The following SALL2 variants were observed in gnomAD, a reference collection of about 807,000 sequenced individuals.
The protein encoded by SALL2 is spalt like transcription factor 2.
SALL2 carries 32 observed loss-of-function variants against 58.5 expected under a neutral mutation model. The ratio of observed to expected loss-of-function variants is 0.55; its 90% confidence interval spans 0.41 to 0.74. The LOEUF (loss-of-function observed/expected upper bound fraction) is 0.74. SALL2 is among the 30% of genes least tolerant of loss of function. The probability of loss-of-function intolerance (pLI) is 0.00; values close to 1 mark genes in which losing one functional copy is unlikely to be tolerated. For missense variants in SALL2, 1,201 were observed against 1,268.9 expected, an observed-to-expected ratio of 0.95 and a Z score of 0.81; for synonymous variants, 516 against 513.6, an observed-to-expected ratio of 1.00 and a Z score of -0.06.
chr14:21,533,014 T>C (rs1445456412), intron 1 of SALL2, among the ~76,000 whole-genome samples: 1 of 150,990 alleles, frequency 6.6e-6, no homozygotes, highest in African/African-American at 2.4e-5. Flanking sequence ...AATAACGGAG[T>C]TGGGAGGAAA....
At chr14:21,527,976 C>G (rs1218133253), upstream of SALL2, among the ~76,000 whole-genome samples, 2 of 151,722 alleles carry the variant, frequency 1.3e-5, no homozygotes, top group Non-Finnish European at 2.9e-5. Flanking sequence ...CCCGTCTCTA[C>G]TAAAAATACA....
chr14:21,531,589 G>T (rs1356125554), intron 1 of SALL2, among the ~76,000 whole-genome samples: 1 of 151,550 alleles, frequency 6.6e-6, no homozygotes, highest in African/African-American at 2.4e-5. Context: ...TATTTTTTTA[G>T]TAGAGACGGG....
At chr14:21,527,826 T>G (rs1322133256), upstream of SALL2, among the ~76,000 whole-genome samples, 1 of 151,480 alleles carries the variant, frequency 6.6e-6, no homozygotes, top group Non-Finnish European at 1.5e-5. Flanking sequence ...GCCCTCCAGC[T>G]TCGGCAACAT....
At position 21,525,696 on chromosome 14, in the gene SALL2, G is replaced by A. The variant is rs1373899580; in HGVS notation, c.68-42C>T. 6.5e-7 allele frequency: 1 copy of A among 1,530,592 alleles called. No homozygotes were observed. The highest frequency in any genetic ancestry group is 2.1e-5 in the Admixed American group (1 of 48,578). 94.8% of individuals were successfully genotyped at this position (1,530,592 alleles called of 1,614,324 possible). On this transcript the variant is annotated intron_variant, in intron 1 of 1. Coordinates refer to ENST00000537235, the MANE Select transcript of SALL2 (RefSeq NM_001364564.1). This position sits in a 1 kb window ranked among gnomAD's most constrained non-coding sequence, Gnocchi z 4.4. ...GAGAGAGAGCGTGGGTGGCGCAGTT[G>A]GGTTGGGTATACCGAGGCTCTAATT...
At chr14:21,527,200 G>A (rs1045501591), upstream of SALL2, among the ~76,000 whole-genome samples, 4 of 152,294 alleles carry the variant, frequency 2.6e-5, no homozygotes, top group East Asian at 1.9e-4. Flanking sequence ...TCTAACCTGG[G>A]GGGGAGGGGA....
In SALL2 at chr14:21,523,582, C is replaced by T. The variant is rs763902891; in HGVS notation, c.2140G>A (p.Gly714Ser). The change falls in exon 2 of 2, where the codon GGC becomes AGC. Residue 714 changes from glycine to serine, a missense_variant. By Grantham distance (56) the Gly-to-Ser change is moderately conservative (BLOSUM62 0). Transcript: ENST00000537235. This position sits in a 1 kb window ranked among gnomAD's most constrained non-coding sequence, Gnocchi z 4.4. ...GCAGTACCACCGTTGGGGATCTGGC[C>T]CCCCAGGTGCATCCGGACATGCTGC... The part of the protein sequence containing the change: ...LQQHVRMHLG[G>S]QIPNGGTALP... The T allele has an allele frequency of 8.1e-6, 13 of 1,614,078 alleles. No homozygotes were observed. The highest frequency in any genetic ancestry group is 1.3e-5 in the African/African-American group (1 of 74,928).
upstream of SALL2, chr14:21,526,569 A>G: frequency 9.9e-7 from 1 of 1,009,180 alleles, no homozygotes; most frequent in Non-Finnish European, 1.2e-6. Flanking sequence ...GCCTTTGCCC[A>G]GGCCTACCCT....
chr14:21,536,700 T>G (rs1259101785), intron 1 of SALL2: 1 of 615,198 alleles, frequency 1.6e-6, no homozygotes, highest in Non-Finnish European at 2.9e-6. Flanking sequence ...AGGTCATCTC[T>G]TACTCCCTGC....
Position 21,523,461 on chromosome 14 carries a change from G to A in SALL2, c.2261C>T (p.Pro754Leu). 1 of 1,614,096 alleles carries A rather than the reference G, an allele frequency of 6.2e-7. No homozygotes were observed. The highest frequency in any genetic ancestry group is 8.5e-7 in the Non-Finnish European group (1 of 1,180,016). Residue 754 changes from proline to leucine, a missense_variant, in exon 2 of 2, where the codon CCA becomes CTA. By Grantham distance (98) the Pro-to-Leu change is moderately conservative (BLOSUM62 -3). Coordinates refer to ENST00000537235, the MANE Select transcript of SALL2 (RefSeq NM_001364564.1). This position sits in a 1 kb window ranked among gnomAD's most constrained non-coding sequence, Gnocchi z 4.4. ...CTCAGACAACTCCTCTTCCGGTGAT[G>A]GCTGCTGGGACTGCTGCTGGGGGAA... is the stretch of plus-strand genomic sequence containing the variant. ...RSFPQQQSQQ[P>L]SPEEELSEEE...
chr14:21,522,910 A>G lies in SALL2; in HGVS notation c.2812T>C (p.Phe938Leu). Residue 938 changes from phenylalanine (F) to leucine (L), a missense_variant, in exon 2 of 2, where the codon TTC becomes CTC. This residue lies in a region of SALL2 where 675 missense variants were observed against 683.8 expected (regional missense o/e 0.99). Transcript: ENST00000537235. ...QKTHPKEGPL[F>L]TCVFCRQGFL... ...CCCTGCCTGCAGAAAACACAAGTGAAGAGCGGCCCCTCCTTGGGGTGGGTC... is the reference window on the plus strand; with the variant it reads ...CCCTGCCTGCAGAAAACACAAGTGAGGAGCGGCCCCTCCTTGGGGTGGGTC... 1 of 1,613,384 alleles carries G rather than the reference A, an allele frequency of 6.2e-7. No individual in the cohort carries two copies.
chr14:21,526,950 C>T (rs371284326), upstream of SALL2, among the ~76,000 whole-genome samples: 19 of 152,232 alleles, frequency 1.2e-4, no homozygotes, highest in African/African-American at 4.6e-4. Flanking sequence ...GAACACTAAG[C>T]CCCTTCACTC....
At chr14:21,531,209 T>A (rs1313199505), upstream of SALL2, among the ~76,000 whole-genome samples, 2 of 152,248 alleles carry the variant, frequency 1.3e-5, no homozygotes, top group Non-Finnish European at 2.9e-5. Context: ...AAGAATGTTC[T>A]TTTAATGAAA....
upstream of SALL2, among the ~76,000 whole-genome samples, chr14:21,530,680 G>A (rs2139680820): frequency 6.6e-6 from 1 of 152,296 alleles, no homozygotes; most frequent in African/African-American, 2.4e-5. Flanking sequence ...CACAATCATA[G>A]CTCACTGCAG....
intron 1 of SALL2, among the ~76,000 whole-genome samples, chr14:21,535,323 C>T (rs1351164125): frequency 2.2e-4 from 31 of 140,066 alleles, no homozygotes; most frequent in Middle Eastern, 3.8e-3. Context: ...CCAACCTGGG[C>T]GACAGAGCGA....
chr14:21,533,807 C>T (rs1259866507), intron 1 of SALL2, among the ~76,000 whole-genome samples: 2 of 152,076 alleles, frequency 1.3e-5, no homozygotes, highest in East Asian at 1.9e-4. Flanking sequence ...AAAGGCTCAG[C>T]ATTTGCATGT....
chr14:21,522,644 C>G lies in SALL2; in HGVS notation c.*60G>C, dbSNP rs1892082655. ...ATCAGGGCTCATAACTCTGGGAGGT[C>G]CTTTTGTGAAGCTGTTTCTGCTCTG... On this transcript the variant is annotated 3_prime_UTR_variant, in exon 2 of 2. Transcript: ENST00000537235. The G allele has an allele frequency of 6.7e-7, 1 of 1,495,456 alleles. No homozygotes were observed. The highest frequency in any genetic ancestry group is 8.9e-7 in the Non-Finnish European group (1 of 1,123,768). The allele number at this position is 1,495,456 out of a possible 1,614,324, so 92.6% of individuals were successfully genotyped here. A position where few individuals can be genotyped will look rare whatever the true frequency, so the allele number is the denominator to read the frequency against.
chr14:21,525,765 C>T lies in SALL2; in HGVS notation c.68-111G>A. The T allele has an allele frequency of 8.0e-7, 1 of 1,244,176 alleles. No homozygotes were observed. The highest frequency in any genetic ancestry group is 1.1e-6 in the Non-Finnish European group (1 of 912,650). The allele number at this position is 1,244,176 out of a possible 1,614,324, so 77.1% of individuals were successfully genotyped here. A position where few individuals can be genotyped will look rare whatever the true frequency, so the allele number is the denominator to read the frequency against. On this transcript the variant is annotated intron_variant, in intron 1 of 1. Transcript: ENST00000537235. This position sits in a 1 kb window ranked among gnomAD's most constrained non-coding sequence, Gnocchi z 4.4. ...CGCTAGTTGGGGGTGGGGAGATGAG[C>T]TCACCATCAGGGCCATGCAGAAGTC...
chr14:21,522,552 C>G lies in SALL2; in HGVS notation c.*152G>C, dbSNP rs1892080065. ...ATCCCCTTGTAAGCACAGTAATTTC[C>G]AAGCTCAGGGACTACAGAAAAGCCA... On this transcript the variant is annotated 3_prime_UTR_variant, in exon 2 of 2. Transcript: ENST00000537235. 2.2e-6 allele frequency: 3 copies of G among 1,389,322 alleles called. No homozygotes were observed. The highest frequency in any genetic ancestry group is 2.1e-4 in the Middle Eastern group (1 of 4,864). 86.1% of individuals were successfully genotyped at this position (1,389,322 alleles called of 1,614,324 possible).
rs777910594 is a variant in SALL2 at position 21,523,140 on chromosome 14, T to G, written c.2582A>C (p.Lys861Thr). The G allele has an allele frequency of 4.3e-6, 7 of 1,614,060 alleles. No homozygotes were observed. The highest frequency in any genetic ancestry group is 5.9e-6 in the Non-Finnish European group (7 of 1,180,010). The change falls in exon 2 of 2, where the codon AAG becomes ACG. Residue 861 changes from lysine to threonine, a missense_variant. Lys to Thr is a moderately conservative substitution (Grantham distance 78, BLOSUM62 -1). Transcript: ENST00000537235. This position sits in a 1 kb window ranked among gnomAD's most constrained non-coding sequence, Gnocchi z 4.4. ...TCTCTCCGGTTTGCCCCCCTCTTCC[T>G]TGCCTCCTAAAACACCACTGCTTCC... ...EQGSSGVLGG[K>T]EEGGKPERSS...
Sources: allele counts gnomAD v4.1 joint callset (sites outside exome capture counted in the v4.1 genomes callset), GRCh38; gene constraint gnomAD v4.1.1; regional missense constraint gnomAD v4.1.1; non-coding constraint Gnocchi (gnomAD v3.1); transcripts MANE v1.5; gene names NCBI Gene and HGNC (gene_info 2026-07-23, HGNC 2026-07-21).